Variants in DLC1 observed in about 807,000 individuals in gnomAD.
The protein encoded by DLC1 is rho GTPase-activating protein 7.
A neutral mutation model predicts 140.3 loss-of-function variants in DLC1; 54 were observed. The observed-to-expected ratio is 0.38, with a 90% CI of 0.31 to 0.48. The LOEUF (loss-of-function observed/expected upper bound fraction) is 0.48, where lower values mean the gene tolerates loss of function less well. Ranked by LOEUF, DLC1 falls within the 20% of genes least tolerant of loss-of-function variation. The pLI is 0.96. For missense variants in DLC1, 2,536 were observed against 1,907.0 expected (o/e 1.33, Z -6.14); for synonymous variants, 986 against 728.1 (o/e 1.35, Z -5.70).
intron 5 of DLC1, among the ~76,000 whole-genome samples, chr8:13,153,742 T>G (rs1824020236): frequency 1.3e-5 from 2 of 151,898 alleles, no homozygotes; most frequent in Admixed American, 1.3e-4. Context: ...AGGCACTGAT[T>G]GGTGTGTTTA....
chr8:13,105,169 A>G (rs912115058), intron 7 of DLC1, among the ~76,000 whole-genome samples: 9 of 152,148 alleles, frequency 5.9e-5, no homozygotes, highest in Non-Finnish European at 7.3e-5. Context: ...AACTAAAAAG[A>G]CCCAGGAGGC....
rs372252415 is a variant in DLC1 at position 13,325,429 on chromosome 8, T to G, written c.1315-20127A>C. ...ACACTTTCCAAACAGGTAAACATGT[T>G]CTGGGACAATAGTTCTGTATACACA... is the stretch of plus-strand genomic sequence containing the variant. On this transcript the variant is annotated intron_variant, in intron 4 of 17. Coordinates refer to ENST00000276297, the MANE Select transcript of DLC1 (RefSeq NM_182643.3). Among the ~76,000 whole-genome samples, 22 of 151,998 alleles carry G rather than the reference T, an allele frequency of 1.4e-4. No individual in the cohort carries two copies. The East Asian group carries it at 4.3e-3, about 29-fold the overall frequency.
intron 5 of DLC1, among the ~76,000 whole-genome samples, chr8:13,282,233 C>T (rs965085865): frequency 4.6e-5 from 7 of 152,208 alleles, no homozygotes; most frequent in African/African-American, 1.7e-4. Context: ...TTGAACATCT[C>T]TCTCTGGAGC....
intron 5 of DLC1, among the ~76,000 whole-genome samples, chr8:13,156,736 G>A (rs1431784115): frequency 6.6e-6 from 1 of 152,182 alleles, no homozygotes; most frequent in Non-Finnish European, 1.5e-5. Context: ...AAAAGTCAGG[G>A]ATTTTAGGTG....
At chr8:13,567,218 A>T (rs147132901) in intron 1 of DLC1, 28 of 1,551,546 alleles carry the variant, frequency 1.8e-5, no homozygotes, top group Non-Finnish European at 1.7e-6. Flanking sequence ...CTTTTGGACT[A>T]TAAAAATTAT....
At position 13,232,553 on chromosome 8, in the gene DLC1, G is replaced by A. The variant is rs550165185; in HGVS notation, c.1348+72716C>T. ...TTCACATGTTGGCCAGGATGGTCTC[G>A]ATCTCTTGACCTCATGATCCACTTG... On this transcript the variant is annotated intron_variant, in intron 5 of 17. Transcript: ENST00000276297. 3.8e-4 allele frequency among the ~76,000 whole-genome samples: 58 copies of A among 152,190 alleles called. 1 individual carries two copies. Among genetic ancestry groups the A allele is most frequent in the African/African-American group, 1.3e-3 (55 of 41,534 alleles).
intron 1 of DLC1, among the ~76,000 whole-genome samples, chr8:13,593,809 C>T (rs1029229893): frequency 3.3e-5 from 5 of 152,002 alleles, no homozygotes; most frequent in Admixed American, 6.6e-5. Flanking sequence ...ATCAATTTCG[C>T]ACATCCTTGA....
chr8:13,495,460 C>T (rs1044977236), intron 2 of DLC1, among the ~76,000 whole-genome samples: 1 of 152,176 alleles, frequency 6.6e-6, no homozygotes, highest in Non-Finnish European at 1.5e-5. Flanking sequence ...GTCACCCAAC[C>T]TTATGGCACA....
intron 2 of DLC1, among the ~76,000 whole-genome samples, chr8:13,497,569 A>T (rs961387081): frequency 6.6e-6 from 1 of 152,212 alleles, no homozygotes; most frequent in Non-Finnish European, 1.5e-5. Context: ...AATTCTTTCC[A>T]GCATTCTTAG....
chr8:13,193,746 T>A (rs1484372141), intron 5 of DLC1, among the ~76,000 whole-genome samples: 2 of 152,152 alleles, frequency 1.3e-5, no homozygotes, highest in African/African-American at 4.8e-5. Flanking sequence ...ATTTTTGGTA[T>A]CCCTTCTGAA....
At chr8:13,356,213 T>A (rs762975079) in intron 4 of DLC1, among the ~76,000 whole-genome samples, 23 of 152,068 alleles carry the variant, frequency 1.5e-4, no homozygotes, top group Non-Finnish European at 3.1e-4. Flanking sequence ...CAGGAATTGA[T>A]AGCATTTGGC....
At chr8:13,399,653 C>T (rs1007120076) in intron 3 of DLC1, among the ~76,000 whole-genome samples, 1 of 152,158 alleles carries the variant, frequency 6.6e-6, no homozygotes, top group African/African-American at 2.4e-5. Flanking sequence ...CCACCGGATC[C>T]TGGGCTGTGT....
intron 5 of DLC1, among the ~76,000 whole-genome samples, chr8:13,194,686 T>C (rs1286160263): frequency 6.6e-6 from 1 of 152,170 alleles, no homozygotes. Flanking sequence ...AGAAACATTG[T>C]AGGCCGCAAG....
intron 5 of DLC1, among the ~76,000 whole-genome samples, chr8:13,287,978 C>G (rs938636007): frequency 5.9e-5 from 9 of 151,276 alleles, no homozygotes; most frequent in African/African-American, 1.9e-4. Flanking sequence ...TTTCTTAGTT[C>G]TTTAAATTCA....
At chr8:13,378,525 GA>G (rs966759621) in intron 4 of DLC1, among the ~76,000 whole-genome samples, 1 of 151,784 alleles carries the variant, frequency 6.6e-6, no homozygotes, top group Non-Finnish European at 1.5e-5. Flanking sequence ...AAAATGCAAT[GA>G]AAAAAACCTG....
chr8:13,395,746 T>G (rs1837008908), intron 3 of DLC1, among the ~76,000 whole-genome samples: 1 of 125,662 alleles, frequency 8.0e-6, no homozygotes, highest in Admixed American at 9.3e-5. Flanking sequence ...TAAATGTATG[T>G]GCATGTGTGT....
At chr8:13,107,068 AG>A (rs1819625969) in intron 7 of DLC1, among the ~76,000 whole-genome samples, 2 of 152,224 alleles carry the variant, frequency 1.3e-5, no homozygotes, top group African/African-American at 4.8e-5. Flanking sequence ...AAAGCTAGCA[AG>A]ATCAGGCCAA....
intron 4 of DLC1, among the ~76,000 whole-genome samples, chr8:13,309,310 C>T (rs1832575925): frequency 6.6e-6 from 1 of 152,064 alleles, no homozygotes; most frequent in African/African-American, 2.4e-5. Context: ...GGAGAAAAAT[C>T]ATCCATAGTC....
chr8:13,319,473 G>GC (rs201728435), intron 4 of DLC1, among the ~76,000 whole-genome samples: 11,262 of 86,374 alleles, frequency 0.13, 534 homozygotes, highest in South Asian at 0.23. Flanking sequence ...TGCTGGCGGG[G>GC]CGGGGGGGGG....
Sources: allele counts gnomAD v4.1 joint callset (sites outside exome capture counted in the v4.1 genomes callset), GRCh38; gene constraint gnomAD v4.1.1; transcripts MANE v1.5; gene names NCBI Gene and HGNC (gene_info 2026-07-23, HGNC 2026-07-21).